Variants in RGS22 observed in about 807,000 individuals in gnomAD.
RGS22 encodes the protein regulator of G-protein signaling 22.
In RGS22, 148 loss-of-function variants were observed where a neutral mutation model predicts 172.9. That is an observed-to-expected ratio of 0.86 (90% CI 0.75 to 0.98). RGS22 has a LOEUF of 0.98. Ranked by LOEUF, RGS22 falls within the 50% of genes least tolerant of loss-of-function variation. RGS22 has a pLI of 0.00. For synonymous variants in RGS22, 458 were observed against 480.2 expected (o/e 0.95, Z 0.60); for missense variants, 1,347 against 1,440.8 (o/e 0.93, Z 1.05).
intron 3 of RGS22, among the ~76,000 whole-genome samples, chr8:100,086,293 G>C (rs1812154081): frequency 6.6e-6 from 1 of 152,092 alleles, no homozygotes; most frequent in Admixed American, 6.6e-5. Flanking sequence ...AATAAGACTG[G>C]AGAGAAAGGA....
intron 9 of RGS22, among the ~76,000 whole-genome samples, chr8:100,059,427 T>C (rs1051074970): frequency 1.5e-5 from 2 of 130,336 alleles, no homozygotes; most frequent in Non-Finnish European, 3.4e-5. Context: ...AAACTAAAAA[T>C]AAAGGGATGG....
chr8:100,071,336 C>G, intron 6 of RGS22, 33 bp downstream of exon 6: 1 of 1,543,532 alleles, frequency 6.5e-7, no homozygotes, highest in Non-Finnish European at 8.8e-7. Context: ...GTTAGTGAAG[C>G]GCTAAGTCAT....
At chr8:100,039,584 C>T (rs911341117) in intron 13 of RGS22, among the ~76,000 whole-genome samples, 3 of 151,692 alleles carry the variant, frequency 2.0e-5, no homozygotes, top group South Asian at 2.1e-4. Context: ...CCATGTTGGC[C>T]GGGCTGGTCT....
intron 4 of RGS22, among the ~76,000 whole-genome samples, chr8:100,075,062 G>A (rs916284609): frequency 3.3e-5 from 5 of 152,176 alleles, no homozygotes; most frequent in Admixed American, 1.3e-4. Flanking sequence ...GAGCCACCGC[G>A]CCTGGCCGCA....
intron 2 of RGS22, 81 bp from the exon 3 acceptor site, chr8:100,093,590 GAATT>G: frequency 1.1e-6 from 1 of 918,282 alleles, no homozygotes; most frequent in Admixed American, 2.2e-5. Context: ...TTTCTGCTAC[GAATT>G]TATTATCACA....
intron 11 of RGS22, chr8:100,042,652 TA>T (rs1820260647): frequency 6.6e-6 from 1 of 152,252 alleles, no homozygotes; most frequent in African/African-American, 2.4e-5. Context: ...TCTTGCTCCA[TA>T]AAACATGCCT....
intron 9 of RGS22, among the ~76,000 whole-genome samples, chr8:100,053,731 G>C (rs978365478): frequency 1.3e-5 from 2 of 152,064 alleles, no homozygotes; most frequent in Non-Finnish European, 2.9e-5. Context: ...TGCCTCCTGG[G>C]TTCAAGCAAT....
intron 14 of RGS22, among the ~76,000 whole-genome samples, chr8:100,035,732 G>A (rs1302742986): frequency 1.3e-5 from 2 of 152,148 alleles, no homozygotes; most frequent in Admixed American, 1.3e-4. Context: ...TGATAGACTG[G>A]ATTAAGAAAA....
At chr8:100,053,784 T>A (rs1214580248) in intron 9 of RGS22, among the ~76,000 whole-genome samples, 1 of 151,912 alleles carries the variant, frequency 6.6e-6, no homozygotes, top group South Asian at 2.1e-4. Flanking sequence ...TACAGGCGTG[T>A]GCCACCATGC....
chr8:100,047,151 A>G (rs1179022603), intron 11 of RGS22, among the ~76,000 whole-genome samples: 1 of 152,186 alleles, frequency 6.6e-6, no homozygotes, highest in Non-Finnish European at 1.5e-5. Flanking sequence ...TGAGAGTCTT[A>G]TAAGTTCTCA....
At chr8:100,043,633 G>A (rs892401266) in intron 11 of RGS22, among the ~76,000 whole-genome samples, 7 of 151,980 alleles carry the variant, frequency 4.6e-5, no homozygotes, top group Non-Finnish European at 1.0e-4. Context: ...AAAATGAGCT[G>A]GGCGTGGTGG....
intron 9 of RGS22, 43 bp downstream of exon 9, chr8:100,062,548 C>A (rs758957635): frequency 1.5e-6 from 2 of 1,327,492 alleles, no homozygotes; most frequent in East Asian, 2.3e-5. Flanking sequence ...TCATAACTGG[C>A]GTAAGGAAAG....
chr8:100,011,171 A>G (rs963375463), intron 14 of RGS22, among the ~76,000 whole-genome samples: 2 of 152,214 alleles, frequency 1.3e-5, no homozygotes, highest in African/African-American at 4.8e-5. Context: ...GGAGGCAGAG[A>G]CCAGAGCATG....
intron 21 of RGS22, among the ~76,000 whole-genome samples, chr8:99,984,536 C>A (rs761126280): frequency 2.0e-5 from 3 of 152,010 alleles, no homozygotes; most frequent in Non-Finnish European, 4.4e-5. Flanking sequence ...CTCTAGTAAG[C>A]TTTCTGTGAC....
intron 2 of RGS22, among the ~76,000 whole-genome samples, chr8:100,104,235 C>T (rs898003722): frequency 6.6e-6 from 1 of 152,114 alleles, no homozygotes; most frequent in African/African-American, 2.4e-5. Context: ...GGAAGATCAC[C>T]TAAGCCCAGG....
intron 9 of RGS22, among the ~76,000 whole-genome samples, chr8:100,061,415 C>G (rs562564758): frequency 6.6e-6 from 1 of 151,926 alleles, no homozygotes; most frequent in Non-Finnish European, 1.5e-5. Flanking sequence ...ATGCATCAAA[C>G]GAAGATCTAA....
chr8:100,067,669 G>A (rs1332879366), intron 6 of RGS22, among the ~76,000 whole-genome samples: 1 of 146,324 alleles, frequency 6.8e-6, no homozygotes, highest in African/African-American at 2.5e-5. Flanking sequence ...GTGTCACCCA[G>A]GCTGGAGTTC....
At chr8:100,071,662 G>A in intron 5 of RGS22, 125 bp from the exon 6 acceptor site, 1 of 594,836 alleles carries the variant, frequency 1.7e-6, no homozygotes, top group South Asian at 3.5e-5. Context: ...GATTTTCTTT[G>A]GCTCTGCTAA....
At chr8:100,042,013 C>T (rs964909749) in intron 11 of RGS22, 97 bp from the exon 12 acceptor site, 39 of 668,484 alleles carry the variant, frequency 5.8e-5, no homozygotes, top group Non-Finnish European at 2.9e-5. Flanking sequence ...CACCGAATCT[C>T]AAGAGTACTT....
Sources: gnomAD v4.1 joint callset for allele counts (sites outside exome capture counted in the v4.1 genomes callset) on GRCh38, gnomAD v4.1.1 for gene constraint, MANE v1.5 for transcripts, NCBI Gene and HGNC (gene_info 2026-07-23, HGNC 2026-07-21) for gene names.